Variants in RSPO2 observed in about 807,000 individuals in gnomAD.
RSPO2 encodes R-spondin-2.
Under a neutral mutation model 30.9 loss-of-function variants are expected in RSPO2, and 14 were observed. That is an observed-to-expected ratio of 0.45 (90% CI 0.30 to 0.71). RSPO2 has a LOEUF of 0.71. RSPO2 is among the 30% of genes least tolerant of loss of function. The pLI is 0.08. For synonymous variants in RSPO2, 107 were observed against 96.4 expected (o/e 1.11, Z -0.64); for missense variants, 264 against 301.9 (o/e 0.87, Z 0.93).
chr8:108,000,056 C>T (rs762688814), intron 2 of RSPO2, among the ~76,000 whole-genome samples: 69 of 152,206 alleles, frequency 4.5e-4, no homozygotes, highest in Non-Finnish European at 9.6e-4. Flanking sequence ...TTAATTAAGA[C>T]GTCACAGGGC....
chr8:107,926,712 G>A (rs570171695), intron 5 of RSPO2, among the ~76,000 whole-genome samples: 2 of 152,164 alleles, frequency 1.3e-5, no homozygotes, highest in Non-Finnish European at 2.9e-5. Context: ...TTGTAGATAC[G>A]TGGTATTAGT....
At chr8:108,068,471 A>G (rs187622703) in intron 2 of RSPO2, among the ~76,000 whole-genome samples, 1 of 152,258 alleles carries the variant, frequency 6.6e-6, no homozygotes, top group Admixed American at 6.5e-5. Flanking sequence ...ATAATTAACA[A>G]TATTCCACAG....
At chr8:108,025,678 A>T (rs1009370675) in intron 2 of RSPO2, among the ~76,000 whole-genome samples, 5 of 151,632 alleles carry the variant, frequency 3.3e-5, no homozygotes, top group Non-Finnish European at 5.9e-5. Context: ...GATGCACCCC[A>T]CCACACTTGG....
intron 5 of RSPO2, among the ~76,000 whole-genome samples, chr8:107,945,025 T>C (rs1471299073): frequency 6.6e-6 from 1 of 152,052 alleles, no homozygotes; most frequent in Admixed American, 6.6e-5. Flanking sequence ...CCATGCTGTC[T>C]TTAAGATTGA....
At chr8:107,986,625 T>G (rs929663964) in intron 3 of RSPO2, among the ~76,000 whole-genome samples, 1 of 152,224 alleles carries the variant, frequency 6.6e-6, no homozygotes, top group African/African-American at 2.4e-5. Flanking sequence ...TAGTTGTTAA[T>G]GGCAGCCCCT....
chr8:108,030,686 G>A (rs1356950627), intron 2 of RSPO2, among the ~76,000 whole-genome samples: 4 of 152,154 alleles, frequency 2.6e-5, no homozygotes, highest in African/African-American at 7.2e-5. Context: ...GTGTATCCAA[G>A]CATCTGTGGG....
At chr8:107,956,231 A>G (rs1813429770) in intron 5 of RSPO2, among the ~76,000 whole-genome samples, 1 of 152,242 alleles carries the variant, frequency 6.6e-6, no homozygotes, top group Admixed American at 6.5e-5. Flanking sequence ...AAAATAGTAA[A>G]AAATGATATA....
intron 5 of RSPO2, among the ~76,000 whole-genome samples, chr8:107,954,184 G>A (rs1813338889): frequency 6.6e-6 from 1 of 152,132 alleles, no homozygotes; most frequent in African/African-American, 2.4e-5. Flanking sequence ...CATGATGTTG[G>A]TCAATCCTCC....
intron 3 of RSPO2, among the ~76,000 whole-genome samples, chr8:107,984,574 A>G (rs1225117137): frequency 6.6e-6 from 1 of 152,208 alleles, no homozygotes; most frequent in African/African-American, 2.4e-5. Flanking sequence ...CCAAATTATT[A>G]TGCTTTTTTA....
chr8:108,062,659 C>G (rs4735037), intron 2 of RSPO2, among the ~76,000 whole-genome samples: 45,186 of 151,580 alleles, frequency 0.3, 7,701 homozygotes, highest in African/African-American at 0.45. Context: ...CAGAAAAAGA[C>G]GGAATCCTCC....
intron 5 of RSPO2, among the ~76,000 whole-genome samples, chr8:107,903,550 G>T (rs1478235400): frequency 6.6e-6 from 1 of 152,086 alleles, no homozygotes. Context: ...TCATAGGGAA[G>T]TTACTCAATA....
intron 2 of RSPO2, among the ~76,000 whole-genome samples, chr8:108,057,244 A>G (rs1026821546): frequency 1.3e-5 from 2 of 152,062 alleles, no homozygotes; most frequent in African/African-American, 4.8e-5. Flanking sequence ...CATCAAAATC[A>G]GTAAGAATAT....
intron 3 of RSPO2, among the ~76,000 whole-genome samples, chr8:107,986,058 C>A (rs1814616457): frequency 6.6e-6 from 1 of 152,172 alleles, no homozygotes; most frequent in Non-Finnish European, 1.5e-5. Flanking sequence ...TAATTTTCTT[C>A]TCTACTATTG....
At position 108,052,807 on chromosome 8, in the gene RSPO2, G is replaced by A. The variant is rs1253656679; in HGVS notation, c.94+29738C>T. On this transcript the variant is annotated intron_variant, in intron 2 of 5. Transcript: ENST00000276659. ...CAACATTACACAACAATTAAGAGAT[G>A]GAAGATTTTTAAATCAGTGTGAACA... Among the ~76,000 whole-genome samples, 4 of 152,226 alleles carry A rather than the reference G, an allele frequency of 2.6e-5. No homozygotes were observed. In the East Asian group the frequency reaches 7.7e-4, roughly 29 times the overall value.
chr8:107,910,392 T>G (rs1391155093), intron 5 of RSPO2, among the ~76,000 whole-genome samples: 2 of 152,160 alleles, frequency 1.3e-5, no homozygotes, highest in Non-Finnish European at 2.9e-5. Context: ...ATAATGAGAC[T>G]GGGCATGGTA....
At chr8:108,010,717 G>A (rs1346789472) in intron 2 of RSPO2, among the ~76,000 whole-genome samples, 1 of 152,088 alleles carries the variant, frequency 6.6e-6, no homozygotes, top group Non-Finnish European at 1.5e-5. Flanking sequence ...GGAGCATCAG[G>A]ATGATATGAG....
intron 2 of RSPO2, among the ~76,000 whole-genome samples, chr8:108,053,659 G>C (rs1227086035): frequency 1.3e-5 from 2 of 151,986 alleles, no homozygotes; most frequent in Non-Finnish European, 2.9e-5. Context: ...CTAGTTATAG[G>C]CATGTAACTA....
At chr8:108,012,007 T>G (rs997314453) in intron 2 of RSPO2, among the ~76,000 whole-genome samples, 1 of 151,966 alleles carries the variant, frequency 6.6e-6, no homozygotes, top group Non-Finnish European at 1.5e-5. Context: ...CAATACAGAA[T>G]GGAAATAAGA....
At chr8:107,960,406 T>G (rs1480315487) in intron 4 of RSPO2, among the ~76,000 whole-genome samples, 1 of 152,134 alleles carries the variant, frequency 6.6e-6, no homozygotes, top group Non-Finnish European at 1.5e-5. Context: ...ATTAAGAAAT[T>G]GATGTATTAC....
Sources: gnomAD v4.1 joint callset for allele counts (sites outside exome capture counted in the v4.1 genomes callset) on GRCh38, gnomAD v4.1.1 for gene constraint, MANE v1.5 for transcripts, NCBI Gene and HGNC (gene_info 2026-07-23, HGNC 2026-07-21) for gene names.